Variants in NKAIN2 observed in about 807,000 individuals in gnomAD.
NKAIN2 encodes the protein sodium/potassium transporting ATPase interacting 2.
In NKAIN2, 14 loss-of-function variants were observed where a neutral mutation model predicts 32.6. That is an observed-to-expected ratio of 0.43 (90% CI 0.28 to 0.67). NKAIN2 has a LOEUF of 0.67. NKAIN2 is among the 30% of genes least tolerant of loss of function. The probability of loss-of-function intolerance (pLI) is 0.17; values close to 1 mark genes in which losing one functional copy is unlikely to be tolerated. For missense variants in NKAIN2, 198 were observed against 258.3 expected (o/e 0.77, Z 1.60); for synonymous variants, 80 against 87.2 (o/e 0.92, Z 0.46).
intron 3 of NKAIN2, among the ~76,000 whole-genome samples, chr6:124,575,504 T>C (rs1237163451): frequency 6.6e-6 from 1 of 152,228 alleles, no homozygotes; most frequent in Non-Finnish European, 1.5e-5. Flanking sequence ...ATGAAGCTTC[T>C]TTACTTTCCA....
chr6:124,768,868 T>G (rs895737915), intron 4 of NKAIN2, among the ~76,000 whole-genome samples: 3 of 152,204 alleles, frequency 2.0e-5, no homozygotes, highest in African/African-American at 7.2e-5. Flanking sequence ...TAAATATTGA[T>G]GCAAACACCA....
At chr6:124,478,071 G>T (rs1777301748) in intron 3 of NKAIN2, among the ~76,000 whole-genome samples, 1 of 151,862 alleles carries the variant, frequency 6.6e-6, no homozygotes, top group African/African-American at 2.4e-5. Context: ...ATTGGTGAAA[G>T]GATAAAGGAG....
intron 3 of NKAIN2, among the ~76,000 whole-genome samples, chr6:124,581,697 C>T (rs916761732): frequency 9.2e-5 from 14 of 152,000 alleles, no homozygotes; most frequent in Admixed American, 9.2e-4. Flanking sequence ...AAATCAACAA[C>T]AAGAGAAATT....
intron 3 of NKAIN2, among the ~76,000 whole-genome samples, chr6:124,542,249 T>C (rs534050283): frequency 6.6e-6 from 1 of 152,272 alleles, no homozygotes; most frequent in Non-Finnish European, 1.5e-5. Context: ...AACTGGAATT[T>C]AAGAAGACAA....
chr6:124,609,484 C>T (rs1344338892), intron 3 of NKAIN2, among the ~76,000 whole-genome samples: 1 of 151,940 alleles, frequency 6.6e-6, no homozygotes, highest in South Asian at 2.1e-4. Flanking sequence ...ATTTTACGCA[C>T]CCTAGATGTC....
intron 1 of NKAIN2, among the ~76,000 whole-genome samples, chr6:124,153,683 G>T: frequency 6.6e-6 from 1 of 151,434 alleles, no homozygotes; most frequent in South Asian, 2.1e-4. Context: ...ATATGAATAT[G>T]CTGTGTATTT....
intron 2 of NKAIN2, among the ~76,000 whole-genome samples, chr6:124,307,484 G>C (rs1562482808): frequency 6.6e-6 from 1 of 152,116 alleles, no homozygotes; most frequent in Non-Finnish European, 1.5e-5. Context: ...TTGAAGGTTT[G>C]ATGAGCTCAG....
intron 4 of NKAIN2, among the ~76,000 whole-genome samples, chr6:124,749,523 G>C (rs1777611909): frequency 6.6e-6 from 1 of 151,902 alleles, no homozygotes; most frequent in Non-Finnish European, 1.5e-5. Context: ...ATCATCCTTG[G>C]ATAAGGTCCT....
chr6:124,489,500 A>G (rs947702255), intron 3 of NKAIN2, among the ~76,000 whole-genome samples: 32 of 151,834 alleles, frequency 2.1e-4, no homozygotes, highest in African/African-American at 7.2e-4. Context: ...TAACCTATCA[A>G]ACATCAGAGC....
intron 1 of NKAIN2, among the ~76,000 whole-genome samples, chr6:123,959,342 G>T (rs559511357): frequency 6.6e-6 from 1 of 152,272 alleles, no homozygotes; most frequent in East Asian, 1.9e-4. Flanking sequence ...AAAGCACTGG[G>T]CCAGTGGTCC....
intron 1 of NKAIN2, among the ~76,000 whole-genome samples, chr6:123,858,107 C>CATT (rs1180749458): frequency 6.6e-6 from 1 of 151,440 alleles, no homozygotes; most frequent in Non-Finnish European, 1.5e-5. Context: ...TCCTTCCTAA[C>CATT]ATTATTATTA....
At chr6:124,318,569 A>T (rs893467116) in intron 2 of NKAIN2, among the ~76,000 whole-genome samples, 3 of 152,018 alleles carry the variant, frequency 2.0e-5, no homozygotes, top group Admixed American at 1.3e-4. Flanking sequence ...CTTAAAAAAA[A>T]TTTTCCCTGT....
rs1003126234 is a variant in NKAIN2, at chr6:124,354,757, T to A, written c.193-510T>A. 2.0e-5 allele frequency among the ~76,000 whole-genome samples: 3 copies of A among 151,754 alleles called. No homozygotes were observed. In the East Asian group the frequency reaches 5.8e-4, roughly 29 times the overall value. ...TAATTATTCACTTTTAAAACAATAA[T>A]GTGGATTACTATTTTTTTTGTCTTA... is the stretch of plus-strand genomic sequence containing the variant. On this transcript the variant is annotated intron_variant, in intron 2 of 6. Transcript: ENST00000368417.
At chr6:124,693,575 A>C (rs931773495) in intron 4 of NKAIN2, among the ~76,000 whole-genome samples, 1 of 152,210 alleles carries the variant, frequency 6.6e-6, no homozygotes, top group Non-Finnish European at 1.5e-5. Context: ...GATAAGGAAC[A>C]CTTAACTCAC....
intron 2 of NKAIN2, among the ~76,000 whole-genome samples, chr6:124,297,585 TA>T (rs1189690349): frequency 1.3e-5 from 2 of 151,958 alleles, no homozygotes; most frequent in Non-Finnish European, 2.9e-5. Context: ...CCCTGGATCA[TA>T]CCACCCTTCT....
intron 1 of NKAIN2, among the ~76,000 whole-genome samples, chr6:124,085,053 T>A (rs1387528851): frequency 6.6e-6 from 1 of 152,030 alleles, no homozygotes; most frequent in African/African-American, 2.4e-5. Flanking sequence ...TAACAAATGC[T>A]GTAAATAGTG....
chr6:124,642,701 A>G (rs942513833), intron 3 of NKAIN2, among the ~76,000 whole-genome samples: 4 of 152,102 alleles, frequency 2.6e-5, no homozygotes, highest in Admixed American at 1.3e-4. Flanking sequence ...GGATTTTCCT[A>G]TTTCTCTCAG....
chr6:124,480,133 T>G (rs1330729244), intron 3 of NKAIN2, among the ~76,000 whole-genome samples: 6 of 152,218 alleles, frequency 3.9e-5, no homozygotes, highest in Non-Finnish European at 8.8e-5. Flanking sequence ...ACATAGACAT[T>G]GCTCATACCT....
chr6:124,693,645 C>A (rs1163423411), intron 4 of NKAIN2, among the ~76,000 whole-genome samples: 1 of 152,106 alleles, frequency 6.6e-6, no homozygotes, highest in East Asian at 1.9e-4. Context: ...GCCTTGAAGG[C>A]TGAGGAGTTA....
Sources: gnomAD v4.1 joint callset for allele counts (sites outside exome capture counted in the v4.1 genomes callset) on GRCh38, gnomAD v4.1.1 for gene constraint, MANE v1.5 for transcripts, NCBI Gene and HGNC (gene_info 2026-07-23, HGNC 2026-07-21) for gene names.